DYM: variants seen among roughly 807,000 people sequenced by gnomAD.
DYM encodes dyggve-Melchior-Clausen syndrome protein.
DYM carries 78 observed loss-of-function variants against 93.1 expected under a neutral mutation model. That is an observed-to-expected ratio of 0.84 (90% CI 0.70 to 1.01). DYM has a LOEUF of 1.01. Among genes scored for constraint, DYM ranks in the 50% least tolerant of loss-of-function variants. The probability of loss-of-function intolerance (pLI) is 0.00; values close to 1 mark genes in which losing one functional copy is unlikely to be tolerated. For synonymous variants in DYM, 321 were observed against 319.7 expected, an observed-to-expected ratio of 1.00 and a Z score of -0.04; for missense variants, 789 against 845.0, an observed-to-expected ratio of 0.93 and a Z score of 0.82.
At chr18:49,392,113 C>T (rs188230392) in intron 2 of DYM, among the ~76,000 whole-genome samples, 4 of 151,788 alleles carry the variant, frequency 2.6e-5, no homozygotes, top group Non-Finnish European at 4.4e-5. Context: ...AAAAGAGAGA[C>T]GATACATATA....
chr18:49,052,096 C>T (rs1263885661), intron 17 of DYM, among the ~76,000 whole-genome samples: 1 of 152,252 alleles, frequency 6.6e-6, no homozygotes, highest in Non-Finnish European at 1.5e-5. Flanking sequence ...TTCTCCAGGA[C>T]TGGCTACACA....
chr18:49,236,241 G>C (rs1225560246), intron 13 of DYM, among the ~76,000 whole-genome samples: 1 of 152,130 alleles, frequency 6.6e-6, no homozygotes, highest in Non-Finnish European at 1.5e-5. Flanking sequence ...AGCACCTTGA[G>C]AGGCTGAGAT....
At chr18:49,440,967 T>TTTATATATTA (rs2081369405) in intron 1 of DYM, among the ~76,000 whole-genome samples, 2 of 2,008 alleles carry the variant, frequency 1.0e-3, no homozygotes, top group Non-Finnish European at 2.3e-3. Flanking sequence ...TATATTATAT[T>TTTATATATTA]TATATAATAT....
At chr18:49,268,873 G>C (rs777678074) in intron 11 of DYM, among the ~76,000 whole-genome samples, 1 of 151,952 alleles carries the variant, frequency 6.6e-6, no homozygotes, top group Non-Finnish European at 1.5e-5. Flanking sequence ...ACTTCTCATA[G>C]TATTTTACTG....
chr18:49,258,765 T>G, intron 11 of DYM, among the ~76,000 whole-genome samples: 1 of 147,048 alleles, frequency 6.8e-6, no homozygotes. Flanking sequence ...TGTAGATTTG[T>G]AACCTAGGGA....
chr18:49,148,855 G>GT (rs2085470476), intron 15 of DYM, among the ~76,000 whole-genome samples: 1 of 152,186 alleles, frequency 6.6e-6, no homozygotes, highest in Admixed American at 6.5e-5. Flanking sequence ...ACCAGGGACC[G>GT]TTTCATGGAA....
At chr18:49,273,588 G>A (rs139608466) in intron 10 of DYM, among the ~76,000 whole-genome samples, 6 of 151,980 alleles carry the variant, frequency 3.9e-5, no homozygotes, top group African/African-American at 1.2e-4. Context: ...ATACACAAAC[G>A]CCATTGTGTT....
At chr18:49,120,091 A>AAG (rs2082248019) in intron 15 of DYM, among the ~76,000 whole-genome samples, 2 of 151,012 alleles carry the variant, frequency 1.3e-5, no homozygotes, top group African/African-American at 4.8e-5. Flanking sequence ...AAAAAAAAAA[A>AAG]AAAAGAAAAA....
At position 49,039,836 on chromosome 18, in the gene DYM, C is replaced by G. The variant is rs571524370; in HGVS notation, c.*4219G>C. Among the ~76,000 whole-genome samples, 2 of 152,208 alleles carry G rather than the reference C, an allele frequency of 1.3e-5. No individual in the cohort carries two copies. The highest frequency in any genetic ancestry group is 2.9e-5 in the Non-Finnish European group (2 of 68,040). On this transcript the variant is annotated 3_prime_UTR_variant, in exon 18 of 18. Coordinates refer to ENST00000675505, the MANE Select transcript of DYM (RefSeq NM_001353214.3). ...ATAGCTGTTTTAAATTCTGCGACAA[C>G]TTTATCTGGAGTCTGTTTGGATATT...
intron 14 of DYM, among the ~76,000 whole-genome samples, chr18:49,197,949 C>A (rs1349844325): frequency 1.3e-5 from 2 of 152,170 alleles, no homozygotes; most frequent in East Asian, 3.8e-4. Flanking sequence ...GAGAACAAAG[C>A]TGGAGGCATC....
intron 8 of DYM, among the ~76,000 whole-genome samples, chr18:49,292,608 A>G (rs1487955637): frequency 2.7e-4 from 23 of 83,914 alleles, no homozygotes; most frequent in African/African-American, 1.5e-3. Context: ...AAAAAAAAAA[A>G]AAAAAAAAAA....
At chr18:49,224,189 A>T (rs2093453260) in intron 13 of DYM, among the ~76,000 whole-genome samples, 1 of 152,094 alleles carries the variant, frequency 6.6e-6, no homozygotes, top group South Asian at 2.1e-4. Context: ...GGCATGCATA[A>T]ATGGTGGTGT....
Position 49,242,864 on chromosome 18 carries a change from T to TG in DYM, c.1460+14145_1460+14146insC, listed in dbSNP as rs1351116684. On this transcript the variant is annotated intron_variant, in intron 13 of 17. Coordinates refer to ENST00000675505, the MANE Select transcript of DYM (RefSeq NM_001353214.3). Reference sequence around the variant, plus strand: ...ACAGGCGCCCGCCACCACGCCCGGCTAATTTTTTTGTATTTTTAGTAGAGA... The same window carrying TG: ...ACAGGCGCCCGCCACCACGCCCGGCTGAATTTTTTTGTATTTTTAGTAGAGA... Among the ~76,000 whole-genome samples the TG allele has an allele frequency of 5.9e-5, 9 of 152,160 alleles. No homozygotes were observed. The East Asian group carries it at 9.7e-4, about 16-fold the overall frequency.
chr18:49,359,082 G>A (rs530878368), intron 6 of DYM, among the ~76,000 whole-genome samples: 3 of 152,226 alleles, frequency 2.0e-5, no homozygotes, highest in Admixed American at 2.0e-4. Flanking sequence ...AATTCCGAGC[G>A]CTGGGCTTTT....
At chr18:49,432,599 A>AT (rs35279467) in intron 1 of DYM, among the ~76,000 whole-genome samples, 73,586 of 129,494 alleles carry the variant, frequency 0.57, 21,488 homozygotes, top group African/African-American at 0.71. Flanking sequence ...CAGCATTAAA[A>AT]TTTTTTTTTT....
intron 2 of DYM, among the ~76,000 whole-genome samples, chr18:49,414,656 C>T (rs559697323): frequency 6.6e-6 from 1 of 152,304 alleles, no homozygotes; most frequent in South Asian, 2.1e-4. Context: ...ACCTGGAATA[C>T]TCTCCACAAA....
At chr18:49,441,311 A>ATATATAATATAATTATATT (rs1568455304) in intron 1 of DYM, among the ~76,000 whole-genome samples, 1 of 34,382 alleles carries the variant, frequency 2.9e-5, no homozygotes, top group African/African-American at 1.8e-4. Context: ...ATATATAATT[A>ATATATAATATAATTATATT]ATATATAATT....
chr18:49,165,948 A>G (rs1337058489), intron 14 of DYM, among the ~76,000 whole-genome samples: 1 of 152,202 alleles, frequency 6.6e-6, no homozygotes, highest in African/African-American at 2.4e-5. Flanking sequence ...CAAAAGTAGG[A>G]GAGAGCAAGA....
Position 49,041,450 on chromosome 18 carries a change from T to C in DYM, c.*2605A>G, listed in dbSNP as rs1489939821. On this transcript the variant is annotated 3_prime_UTR_variant, in exon 18 of 18. Transcript: ENST00000675505. ...GTGTAAAAATTTCTAAGCAAACTAA[T>C]ACTCAAAATTAATGCAAGTATAATG... 3 of 152,216 alleles carry C rather than the reference T, an allele frequency of 2.0e-5. No homozygotes were observed. The highest frequency in any genetic ancestry group is 1.3e-4 in the Admixed American group (2 of 15,280). The allele number at this position is 152,216 out of a possible 1,614,324, so 9.4% of individuals were successfully genotyped here.
Sources: gnomAD v4.1 joint callset for allele counts (sites outside exome capture counted in the v4.1 genomes callset) on GRCh38, gnomAD v4.1.1 for gene constraint, MANE v1.5 for transcripts, NCBI Gene and HGNC (gene_info 2026-07-23, HGNC 2026-07-21) for gene names.